The following COL21A1 variants were observed in gnomAD, a reference collection of about 807,000 sequenced individuals.
COL21A1 encodes collagen alpha-1(XXI) chain.
Under a neutral mutation model 137.9 loss-of-function variants are expected in COL21A1, and 149 were observed. That is an observed-to-expected ratio of 1.08 (90% CI 0.95 to 1.24). COL21A1 has a LOEUF of 1.24. Ranked by LOEUF, COL21A1 falls within the 50% of genes most tolerant of loss-of-function variation. The pLI, the probability that COL21A1 is intolerant of heterozygous loss-of-function variation, is 0.00. For synonymous variants in COL21A1, 456 were observed against 391.5 expected, an observed-to-expected ratio of 1.16 and a Z score of -1.95; for missense variants, 1,167 against 1,158.4, an observed-to-expected ratio of 1.01 and a Z score of -0.11.
intron 1 of COL21A1, among the ~76,000 whole-genome samples, chr6:56,351,247 A>G (rs1442754876): frequency 6.6e-6 from 1 of 152,244 alleles, no homozygotes; most frequent in African/African-American, 2.4e-5. Context: ...ACTGCCAAAG[A>G]AAGTGATACA....
chr6:56,392,089 T>C (rs1260630978), intron 1 of COL21A1, among the ~76,000 whole-genome samples: 4 of 151,744 alleles, frequency 2.6e-5, no homozygotes, highest in Non-Finnish European at 5.9e-5. Flanking sequence ...CAGATGAACA[T>C]AGACGCAACA....
At chr6:56,076,370 A>G (rs1767243302) in intron 18 of COL21A1, among the ~76,000 whole-genome samples, 1 of 151,506 alleles carries the variant, frequency 6.6e-6, no homozygotes, top group African/African-American at 2.4e-5. Context: ...TAGAAACAAG[A>G]GACAGCAAGA....
intron 1 of COL21A1, among the ~76,000 whole-genome samples, chr6:56,322,983 T>G (rs150764372): frequency 3.5e-4 from 53 of 150,806 alleles, no homozygotes; most frequent in African/African-American, 1.2e-3. Flanking sequence ...CACACAGACA[T>G]AGAGAGTGGA....
chr6:56,351,978 T>C (rs1458275221), intron 1 of COL21A1, among the ~76,000 whole-genome samples: 1 of 152,118 alleles, frequency 6.6e-6, no homozygotes, highest in Non-Finnish European at 1.5e-5. Context: ...ATATAAAAGA[T>C]ATTTTAATGG....
At chr6:56,308,725 A>G (rs4715615) in intron 1 of COL21A1, among the ~76,000 whole-genome samples, 128,081 of 151,866 alleles carry the variant, frequency 0.84, 55,979 homozygotes, top group South Asian at 0.97. Flanking sequence ...ATCTCGTTAA[A>G]TGTTCTTACT....
chr6:56,284,819 T>C (rs936616413), intron 1 of COL21A1, among the ~76,000 whole-genome samples: 4 of 152,174 alleles, frequency 2.6e-5, no homozygotes, highest in African/African-American at 9.7e-5. Context: ...CCACTCCAAA[T>C]AACTTACCTT....
At chr6:56,166,012 CTAAA>C (rs1482868888) in intron 7 of COL21A1, among the ~76,000 whole-genome samples, 2 of 151,098 alleles carry the variant, frequency 1.3e-5, no homozygotes, top group Non-Finnish European at 2.9e-5. Context: ...ATGAAAATAG[CTAAA>C]TAAATAGAAA....
chr6:56,060,313 A>G, intron 27 of COL21A1, 95 bp from the exon 28 acceptor site: 1 of 991,248 alleles, frequency 1.0e-6, no homozygotes, highest in Middle Eastern at 3.2e-4. Context: ...AGAAAAAACT[A>G]CGAACATTGA....
chr6:56,074,585 T>G (rs1372772373), intron 19 of COL21A1, among the ~76,000 whole-genome samples: 2 of 151,384 alleles, frequency 1.3e-5, no homozygotes, highest in African/African-American at 4.8e-5. Flanking sequence ...AGGAAAATTT[T>G]TTTTCTACAC....
intron 1 of COL21A1, among the ~76,000 whole-genome samples, chr6:56,337,337 T>C (rs190484126): frequency 1.3e-5 from 2 of 152,336 alleles, no homozygotes; most frequent in Middle Eastern, 3.4e-3. Flanking sequence ...ATAGTCCTAC[T>C]CTGCAAGGCT....
chr6:56,390,552 G>A (rs115637701), intron 1 of COL21A1, among the ~76,000 whole-genome samples: 2,928 of 145,628 alleles, frequency 0.02, 90 homozygotes, highest in African/African-American at 0.069. Context: ...ACTATATGCT[G>A]CCTACAAGAA....
intron 16 of COL21A1, among the ~76,000 whole-genome samples, chr6:56,116,878 A>C (rs915930560): frequency 1.3e-5 from 2 of 152,070 alleles, no homozygotes; most frequent in Admixed American, 6.5e-5. Context: ...AATAGCATTA[A>C]GTTGTTATCA....
chr6:56,372,333 T>C (rs1050547761), intron 1 of COL21A1, among the ~76,000 whole-genome samples: 3 of 152,040 alleles, frequency 2.0e-5, no homozygotes, highest in Non-Finnish European at 4.4e-5. Flanking sequence ...TCTGGATAAT[T>C]TGATCTGAGA....
At chr6:56,147,572 T>C (rs1774933487) in intron 10 of COL21A1, among the ~76,000 whole-genome samples, 1 of 152,042 alleles carries the variant, frequency 6.6e-6, no homozygotes, top group African/African-American at 2.4e-5. Context: ...ATGCACAAAC[T>C]TATCTTTAAA....
chr6:56,115,707 A>AT (rs1771859040), intron 16 of COL21A1, among the ~76,000 whole-genome samples: 1 of 152,202 alleles, frequency 6.6e-6, no homozygotes, highest in African/African-American at 2.4e-5. Context: ...CTAGAGAAAT[A>AT]GAAATATGTA....
chr6:56,331,643 A>AT (rs1765227292), intron 1 of COL21A1: 1 of 151,954 alleles, frequency 6.6e-6, no homozygotes, highest in Non-Finnish European at 1.5e-5. Flanking sequence ...CTATGTGTCT[A>AT]TTTTTATACC....
chr6:56,336,995 T>A (rs1367684057), intron 1 of COL21A1, among the ~76,000 whole-genome samples: 1 of 152,206 alleles, frequency 6.6e-6, no homozygotes, highest in Admixed American at 6.5e-5. Context: ...TCCACAAATC[T>A]TCCCCTGCCA....
chr6:56,290,505 T>TTTTTG (rs1554178994), intron 1 of COL21A1, among the ~76,000 whole-genome samples: 13 of 147,782 alleles, frequency 8.8e-5, no homozygotes, highest in African/African-American at 2.5e-5. Flanking sequence ...GGAGATTTTT[T>TTTTTG]TTTTTTTTTT....
chr6:56,105,716 T>G (rs1240884692), intron 16 of COL21A1, among the ~76,000 whole-genome samples: 2 of 152,160 alleles, frequency 1.3e-5, no homozygotes, highest in African/African-American at 4.8e-5. Flanking sequence ...AAGGATAAAT[T>G]TTTTCCACTT....
Sources: gnomAD v4.1 joint callset for allele counts (sites outside exome capture counted in the v4.1 genomes callset) on GRCh38, gnomAD v4.1.1 for gene constraint, MANE v1.5 for transcripts, NCBI Gene and HGNC (gene_info 2026-07-23, HGNC 2026-07-21) for gene names.